PARP10: variants seen among roughly 807,000 people sequenced by gnomAD.
PARP10 encodes the protein poly(ADP-ribose) polymerase family member 10, also known as protein mono-ADP-ribosyltransferase PARP10.
A neutral mutation model predicts 82.4 loss-of-function variants in PARP10; 56 were observed. The ratio of observed to expected loss-of-function variants is 0.68; its 90% CI spans 0.55 to 0.85. The LOEUF is 0.85. Ranked by LOEUF, PARP10 falls within the 40% of genes least tolerant of loss-of-function variation. The pLI is 0.00. For missense variants in PARP10, 1,227 were observed against 1,379.4 expected (o/e 0.89, Z 1.75); for synonymous variants, 576 against 601.1 (o/e 0.96, Z 0.61).
Position 143,985,189 on chromosome 8 carries a change from C to T in PARP10, c.813G>A (p.Arg271=), listed in dbSNP as rs1554748972. The T allele has an allele frequency of 1.2e-6, 2 of 1,614,050 alleles. No individual in the cohort carries two copies. Among genetic ancestry groups the T allele is most frequent in the African/African-American group, 2.7e-5 (2 of 74,924 alleles). The change falls in exon 5 of 11, where the codon AGG becomes AGA. Residue 271 remains arginine (R), a synonymous_variant. Coordinates refer to ENST00000313028, the MANE Select transcript of PARP10 (RefSeq NM_032789.5). Reference sequence around the variant, plus strand: ...TCCTCAGGAGAGCATGCTTGGTAGCCCTAGGCCCCTGGGTGGACGGGTGGT... The same window carrying T: ...TCCTCAGGAGAGCATGCTTGGTAGCTCTAGGCCCCTGGGTGGACGGGTGGT... ...GGDHPSTQGP[R]ATKHALLRTG...
At position 143,984,321 on chromosome 8, in the gene PARP10, A is replaced by G. The variant is rs1554748593; in HGVS notation, c.1569T>C (p.Phe523=). The change falls in exon 6 of 11, where the codon TTT becomes TTC. Residue 523 remains phenylalanine, a synonymous_variant. Coordinates refer to ENST00000313028, the MANE Select transcript of PARP10 (RefSeq NM_032789.5). ...GGTGCTGCCCTTCTGGGCCCAGGAG[A>G]AACCTGGCGCTGCCCGGGTGCTCCA... ...LCLEHPGSAR[F]LLGPEGQHLL... The G allele has an allele frequency of 6.2e-7, 1 of 1,613,890 alleles. No individual in the cohort carries two copies. The highest frequency in any genetic ancestry group is 1.7e-5 in the Admixed American group (1 of 60,012).
chr8:143,991,360 C>G, upstream of PARP10: 1 of 1,254,632 alleles, frequency 8.0e-7, no homozygotes, highest in Non-Finnish European at 1.1e-6. Context: ...CCACAGCCCC[C>G]TTTCCAGCCC....
In PARP10 at chr8:144,011,539, A is replaced by G; in HGVS notation, c.-80+991T>C. Among the ~76,000 whole-genome samples, 1 of 152,310 alleles carries G rather than the reference A, an allele frequency of 6.6e-6. No homozygotes were observed. The highest frequency in any genetic ancestry group is 2.1e-4 in the South Asian group (1 of 4,824). On this transcript the variant is annotated intron_variant, in intron 1 of 3. Transcript: ENST00000530478. This position sits in a 1 kb window ranked among gnomAD's most constrained non-coding sequence, Gnocchi z 4.5. ...CCCAAAAAGAGGTTTGAGGGAGAAC[A>G]GCCACAGAGCCAATGGAGGCCACGA...
Position 143,985,078 on chromosome 8 carries a change from C to T in PARP10, c.924G>A (p.Leu308=), listed in dbSNP as rs1833952412. 3.7e-6 allele frequency: 6 copies of T among 1,613,950 alleles called. No individual in the cohort carries two copies. Among genetic ancestry groups the T allele is most frequent in the Non-Finnish European group, 5.1e-6 (6 of 1,179,976 alleles). The stretch of plus-strand genomic sequence containing the variant: ...TACCCTGCACCATGGGACCTGTCCT[C>T]AGAGAGGCCCCTGACTGCCCTGGTT... The part of the protein sequence containing the change: ...GEEPGQSGAS[L]RTGPMVQGRG... Residue 308 remains leucine, a synonymous_variant, in exon 5 of 11, where the codon CTG becomes CTA. Coordinates refer to ENST00000313028, the MANE Select transcript of PARP10 (RefSeq NM_032789.5).
Position 143,984,225 on chromosome 8 carries a change from G to T in PARP10, c.1665C>A (p.Asp555Glu), listed in dbSNP as rs1833931344. 7 of 1,613,696 alleles carry T rather than the reference G, an allele frequency of 4.3e-6. No homozygotes were observed. Among genetic ancestry groups the T allele is most frequent in the Non-Finnish European group, 5.9e-6 (7 of 1,179,798 alleles). Reference protein sequence around the residue: ...GTERLATATLDTGLEEVDPTE... With the variant: ...GTERLATATLETGLEEVDPTE... Reference sequence around the variant, plus strand: ...CCATCTCTACCTCTTCAAGGCCTGTGTCCAACGTGGCTGTGGCCAGGCGCT... The same window carrying T: ...CCATCTCTACCTCTTCAAGGCCTGTTTCCAACGTGGCTGTGGCCAGGCGCT... The change falls in exon 6 of 11, where the codon GAC becomes GAA. Residue 555 changes from aspartate to glutamate, a missense_variant. Transcript: ENST00000313028.
intron 9 of PARP10, among the ~76,000 whole-genome samples, chr8:143,979,603 T>TA (rs1554747190): frequency 6.6e-6 from 1 of 152,146 alleles, no homozygotes; most frequent in Non-Finnish European, 1.5e-5. Context: ...CCTCTAATTG[T>TA]AAAGGGCAAT....
At chr8:143,980,470 C>T (rs537190029) in intron 9 of PARP10, among the ~76,000 whole-genome samples, 3 of 150,018 alleles carry the variant, frequency 2.0e-5, no homozygotes, top group East Asian at 1.9e-4. Flanking sequence ...TGCAGTGAGC[C>T]GAGATCATGC....
rs200187840 is a variant in PARP10, at chr8:144,012,688, G to A, written c.-238C>T. ...ATCAGCGGGTTCACGAGTGGGCTTG[G>A]TGAGGCAACAGCAGGCCTTTCCTCA... On this transcript the variant is annotated 5_prime_UTR_variant, in exon 1 of 4. Coordinates refer to the PARP10 transcript ENST00000530478. The A allele has an allele frequency of 1.1e-3, 1,743 of 1,551,710 alleles. 4 individuals are homozygous for A. The highest frequency in any genetic ancestry group is 1.4e-3 in the Non-Finnish European group (1,610 of 1,146,986).
In PARP10 at chr8:143,983,504, T is replaced by C; in HGVS notation, c.2085A>G (p.Ala695=). 1.2e-6 allele frequency: 2 copies of C among 1,606,250 alleles called. No individual in the cohort carries two copies. Among genetic ancestry groups the C allele is most frequent in the Non-Finnish European group, 1.7e-6 (2 of 1,177,034 alleles). Residue 695 remains alanine, a synonymous_variant, in exon 8 of 11, where the codon GCA becomes GCG. Coordinates refer to ENST00000313028, the MANE Select transcript of PARP10 (RefSeq NM_032789.5). The part of the protein sequence containing the change: ...LSLLEQPPLE[A]EEPPDGGTDG... ...CAGTCCCCCCATCTGGGGGCTCTTCTGCCTCCAACGGGGGCTGCTCCAGCA... is the reference window on the plus strand; with the variant it reads ...CAGTCCCCCCATCTGGGGGCTCTTCCGCCTCCAACGGGGGCTGCTCCAGCA...
intron 9 of PARP10, among the ~76,000 whole-genome samples, chr8:143,979,907 G>A (rs1587448650): frequency 6.6e-6 from 1 of 151,566 alleles, no homozygotes; most frequent in Admixed American, 6.6e-5. Flanking sequence ...AGCTACTCAG[G>A]AGGCTGAGGC....
At chr8:144,002,701 C>A (rs782564462) in intron 1 of PARP10, among the ~76,000 whole-genome samples, 22 of 152,130 alleles carry the variant, frequency 1.4e-4, no homozygotes, top group Non-Finnish European at 2.8e-4. Context: ...ATATAAATCT[C>A]AAAAGCAAAA....
At chr8:143,986,324 C>T (rs1385209302) in intron 1 of PARP10, 34 bp downstream of exon 1, 8 of 1,614,026 alleles carry the variant, frequency 5.0e-6, no homozygotes, top group Non-Finnish European at 5.9e-6. Flanking sequence ...CTCAATGCTC[C>T]CCCATTATGG....
At chr8:144,007,610 C>A (rs1564262417) in intron 1 of PARP10, among the ~76,000 whole-genome samples, 3 of 152,206 alleles carry the variant, frequency 2.0e-5, no homozygotes, top group African/African-American at 7.2e-5. Flanking sequence ...GGCCCTTGTC[C>A]TCTCCTGAGA....
intron 9 of PARP10, among the ~76,000 whole-genome samples, chr8:143,982,586 C>T (rs542000105): frequency 6.6e-6 from 1 of 152,338 alleles, no homozygotes; most frequent in African/African-American, 2.4e-5. Flanking sequence ...ATCTGTGGAG[C>T]GAGTAATCCT....
intron 1 of PARP10, among the ~76,000 whole-genome samples, chr8:144,002,365 AT>A (rs1353165916): frequency 6.6e-6 from 1 of 152,204 alleles, no homozygotes; most frequent in Non-Finnish European, 1.5e-5. Context: ...CCTGGGCAAT[AT>A]AGTGAGACCC....
intron 1 of PARP10, among the ~76,000 whole-genome samples, chr8:144,000,610 A>G (rs577130066): frequency 5.9e-5 from 9 of 152,226 alleles, no homozygotes; most frequent in Non-Finnish European, 1.2e-4. Context: ...AGCCTGGGCG[A>G]CAGAACTGGA....
In PARP10 at chr8:143,983,753, C is replaced by T; in HGVS notation, c.1836G>A (p.Trp612Ter). ...CTTCCTCCTCCAGCTCCCGAGGCAG[C>T]CAGTCCTCCCCGTCTAGGTCTAGGC... ...LEGLDLDGED[W>*]LPRELEEEGP... The change falls in exon 8 of 11, where the codon TGG becomes TGA. Residue 612 changes from tryptophan to a stop codon, truncating the protein, a stop_gained. Transcript: ENST00000313028. LOFTEE classifies it high-confidence loss of function. 1 of 1,612,236 alleles carries T rather than the reference C, an allele frequency of 6.2e-7. No homozygotes were observed. The highest frequency in any genetic ancestry group is 2.2e-5 in the East Asian group (1 of 44,842).
rs151233486 is a variant in PARP10 at position 143,978,827 on chromosome 8, G to A, written c.2557-746C>T. 3.7e-3 allele frequency among the ~76,000 whole-genome samples: 569 copies of A among 152,272 alleles called. 8 individuals are homozygous for A. Among genetic ancestry groups the A allele is most frequent in the South Asian group, 5.6e-3 (27 of 4,826 alleles). On this transcript the variant is annotated intron_variant, in intron 9 of 10. Transcript: ENST00000313028. ...CGGCCGGAGCTCCAGCACACACAGG[G>A]AAGACGCTTCCCTGAGCTGAAGGAA...
chr8:143,989,881 G>T (rs1269810391), upstream of PARP10: 2 of 152,204 alleles, frequency 1.3e-5, no homozygotes, highest in African/African-American at 2.4e-5. The surrounding 1 kb of genome is among the most constrained non-coding windows in gnomAD (Gnocchi z 4.3). Flanking sequence ...GCCTCCAGGG[G>T]TCTTCAGCGC....
Sources: gnomAD v4.1 joint callset for allele counts (sites outside exome capture counted in the v4.1 genomes callset) on GRCh38, gnomAD v4.1.1 for gene constraint, Gnocchi (gnomAD v3.1) non-coding constraint, MANE v1.5 for transcripts, NCBI Gene and HGNC (gene_info 2026-07-23, HGNC 2026-07-21) for gene names.